The following GPD1L variants were observed in gnomAD, a reference collection of about 807,000 sequenced individuals.
The protein encoded by GPD1L is glycerol-3-phosphate dehydrogenase 1-like protein.
In GPD1L, 17 loss-of-function variants were observed where a neutral mutation model predicts 32.9. That is an observed-to-expected ratio of 0.52 (90% CI 0.35 to 0.78). GPD1L has a LOEUF of 0.78. GPD1L is among the 30% of genes least tolerant of loss of function. The probability of loss-of-function intolerance (pLI) is 0.01; values close to 1 mark genes in which losing one functional copy is unlikely to be tolerated. For synonymous variants in GPD1L, 187 were observed against 165.9 expected (o/e 1.13, Z -0.98); for missense variants, 361 against 447.8 (o/e 0.81, Z 1.75).
intron 2 of GPD1L, among the ~76,000 whole-genome samples, chr3:32,131,299 C>CT (rs1421075779): frequency 4.6e-5 from 7 of 152,112 alleles, no homozygotes; most frequent in African/African-American, 1.7e-4. Flanking sequence ...AATTCAGTGG[C>CT]TTTTTTCGTA....
chr3:32,143,837 C>G (rs1700783010), intron 4 of GPD1L, among the ~76,000 whole-genome samples: 1 of 152,102 alleles, frequency 6.6e-6, no homozygotes. Context: ...CAAAAATTAG[C>G]CAGGTGTGGT....
In GPD1L at chr3:32,161,639, T is replaced by C. The variant is rs558408501; in HGVS notation, c.959+1965T>C. The stretch of plus-strand genomic sequence containing the variant: ...TGGACAGGTTGGCTGGGCATTAGCC[T>C]GTTAGCTCCAGGGGGACATGGACTA... On this transcript the variant is annotated intron_variant, in intron 7 of 7. Coordinates refer to ENST00000282541, the MANE Select transcript of GPD1L (RefSeq NM_015141.4). Among the ~76,000 whole-genome samples, 8 of 152,322 alleles carry C rather than the reference T, an allele frequency of 5.3e-5. No homozygotes were observed. The East Asian group carries it at 1.4e-3, about 26-fold the overall frequency.
At chr3:32,153,092 T>G (rs1173375854) in intron 5 of GPD1L, among the ~76,000 whole-genome samples, 2 of 152,190 alleles carry the variant, frequency 1.3e-5, no homozygotes, top group Non-Finnish European at 2.9e-5. Context: ...CAGCCCGTGG[T>G]ACAGGCTGGT....
At chr3:32,134,547 T>C (rs1164611959) in intron 2 of GPD1L, among the ~76,000 whole-genome samples, 3 of 152,194 alleles carry the variant, frequency 2.0e-5, no homozygotes, top group Non-Finnish European at 4.4e-5. Flanking sequence ...AGTACAGTGG[T>C]GCAATCACAA....
At chr3:32,134,214 TG>T (rs1700627288) in intron 2 of GPD1L, among the ~76,000 whole-genome samples, 1 of 152,228 alleles carries the variant, frequency 6.6e-6, no homozygotes, top group African/African-American at 2.4e-5. Flanking sequence ...GAGATTCACA[TG>T]ATCTCATTAG....
At chr3:32,151,037 G>C (rs1387813241) in intron 5 of GPD1L, 5 of 273,878 alleles carry the variant, frequency 1.8e-5, no homozygotes, top group African/African-American at 1.1e-4. Flanking sequence ...CAAAGTGCTG[G>C]GGTTACATGC....
chr3:32,130,903 T>C (rs978834746), intron 2 of GPD1L, among the ~76,000 whole-genome samples: 2 of 151,886 alleles, frequency 1.3e-5, no homozygotes, highest in Admixed American at 6.6e-5. Context: ...ATCCCGGCTA[T>C]ACTCGGGAGG....
chr3:32,135,985 T>C (rs1451891339), intron 2 of GPD1L, among the ~76,000 whole-genome samples: 1 of 152,174 alleles, frequency 6.6e-6, no homozygotes, highest in Non-Finnish European at 1.5e-5. Flanking sequence ...TGCTGAGCTT[T>C]GGGTTTTGAT....
chr3:32,153,250 T>C (rs1323371492), intron 5 of GPD1L, among the ~76,000 whole-genome samples: 2 of 152,212 alleles, frequency 1.3e-5, no homozygotes, highest in Non-Finnish European at 2.9e-5. Context: ...AGCACCTTTA[T>C]GTGAGTGAGA....
At chr3:32,123,839 T>C (rs73063445) in intron 1 of GPD1L, among the ~76,000 whole-genome samples, 1,638 of 134,522 alleles carry the variant, frequency 0.012, 3 homozygotes, top group Non-Finnish European at 0.015. Context: ...GATAGATAGA[T>C]AGACAGACAG....
At chr3:32,116,611 G>A (rs1700336670) in intron 1 of GPD1L, among the ~76,000 whole-genome samples, 1 of 152,134 alleles carries the variant, frequency 6.6e-6, no homozygotes, top group Admixed American at 6.5e-5. Flanking sequence ...GGTGGGGATT[G>A]GGGTGGGGAC....
At chr3:32,119,437 A>G (rs1380168257) in intron 1 of GPD1L, among the ~76,000 whole-genome samples, 1 of 152,182 alleles carries the variant, frequency 6.6e-6, no homozygotes, top group African/African-American at 2.4e-5. Flanking sequence ...TTGAATTTTG[A>G]TAGAAAGCCT....
chr3:32,135,691 G>A (rs749438020), intron 2 of GPD1L, among the ~76,000 whole-genome samples: 11 of 152,080 alleles, frequency 7.2e-5, no homozygotes, highest in South Asian at 4.2e-4. Context: ...GGCCTCAAGC[G>A]ATCCACCCAC....
intron 1 of GPD1L, among the ~76,000 whole-genome samples, chr3:32,107,473 G>A (rs965225207): frequency 6.6e-6 from 1 of 152,196 alleles, no homozygotes; most frequent in Admixed American, 6.5e-5. Context: ...GTACACTGTG[G>A]GATTCTCTGG....
rs1034556915 is a variant in GPD1L at position 32,114,372 on chromosome 3, T to G, written c.47+7614T>G. Reference sequence around the variant, plus strand: ...AAGCTGTAGCACGAATTGGGCCAGATGCTTTTCTAGTCCATGTGTTCAGAA... The same window carrying G: ...AAGCTGTAGCACGAATTGGGCCAGAGGCTTTTCTAGTCCATGTGTTCAGAA... On this transcript the variant is annotated intron_variant, in intron 1 of 7. Transcript: ENST00000282541. Among the ~76,000 whole-genome samples the G allele has an allele frequency of 4.6e-5, 7 of 152,262 alleles. No homozygotes were observed. The East Asian group carries it at 1.3e-3, about 29-fold the overall frequency.
intron 5 of GPD1L, among the ~76,000 whole-genome samples, chr3:32,155,652 C>G (rs1700977886): frequency 6.6e-6 from 1 of 152,190 alleles, no homozygotes; most frequent in African/African-American, 2.4e-5. Flanking sequence ...CACCCAAGGG[C>G]TGGCCTCTGG....
intron 2 of GPD1L, among the ~76,000 whole-genome samples, chr3:32,136,480 A>T (rs574024699): frequency 6.6e-6 from 1 of 152,218 alleles, no homozygotes; most frequent in Non-Finnish European, 1.5e-5. Flanking sequence ...TTTGAAAGGA[A>T]GTTTAAGGAA....
Position 32,115,758 on chromosome 3 carries a change from C to CTTTTTTTTTT in GPD1L, c.47+9039_47+9048dup, listed in dbSNP as rs539068850. Among the ~76,000 whole-genome samples, 117 of 45,086 alleles carry CTTTTTTTTTT rather than the reference C, an allele frequency of 2.6e-3. 43 individuals are homozygous for CTTTTTTTTTT. Among genetic ancestry groups the CTTTTTTTTTT allele is most frequent in the Non-Finnish European group, 4.9e-3 (100 of 20,538 alleles). 29.6% of individuals were successfully genotyped at this position (45,086 alleles called of 152,430 possible). On this transcript the variant is annotated intron_variant, in intron 1 of 7. Transcript: ENST00000282541. The stretch of plus-strand genomic sequence containing the variant: ...CTAAACCCTTTTCGTGTACGTTGAA[C>CTTTTTTTTTT]TTTTTTTTTTTTTTTTTTTTTTTTT...
chr3:32,128,050 T>C (rs1334432180), intron 1 of GPD1L, 26 bp from the exon 2 acceptor site: 3 of 1,560,516 alleles, frequency 1.9e-6, no homozygotes, highest in Admixed American at 3.3e-5. Flanking sequence ...AGTTTATGTT[T>C]TTCTTTTCCA....
Sources: gnomAD v4.1 joint callset for allele counts (sites outside exome capture counted in the v4.1 genomes callset) on GRCh38, gnomAD v4.1.1 for gene constraint, MANE v1.5 for transcripts, NCBI Gene and HGNC (gene_info 2026-07-23, HGNC 2026-07-21) for gene names.